Variants in DGKB observed in about 807,000 individuals in gnomAD.
DGKB encodes the protein 90 kDa diacylglycerol kinase.
A neutral mutation model predicts 114.3 loss-of-function variants in DGKB; 67 were observed. The observed-to-expected ratio is 0.59, with a 90% CI of 0.48 to 0.72. DGKB has a LOEUF of 0.72. Among genes scored for constraint, DGKB ranks in the 30% least tolerant of loss-of-function variants. The pLI, the probability that DGKB is intolerant of heterozygous loss-of-function variation, is 0.00. For missense variants in DGKB, 907 were observed against 975.2 expected (o/e 0.93, Z 0.93); for synonymous variants, 398 against 323.1 (o/e 1.23, Z -2.49).
chr7:14,353,461 A>G (rs143962955), intron 21 of DGKB, among the ~76,000 whole-genome samples: 92 of 152,310 alleles, frequency 6.0e-4, no homozygotes, highest in African/African-American at 2.1e-3. Flanking sequence ...AGGAAAAATA[A>G]CTGGAGATGA....
chr7:14,814,851 A>G (rs7795730), intron 2 of DGKB, among the ~76,000 whole-genome samples: 120,048 of 152,136 alleles, frequency 0.79, 48,229 homozygotes, highest in African/African-American at 0.95. Flanking sequence ...GATCAACAGA[A>G]TTATGCTCTT....
intron 1 of DGKB, among the ~76,000 whole-genome samples, chr7:14,921,589 C>A (rs10276618): frequency 0.19 from 28,319 of 152,074 alleles, 4,320 homozygotes; most frequent in East Asian, 0.81. Flanking sequence ...GACTAGGGCA[C>A]AGGCAGTGCT....
chr7:14,705,072 A>G (rs1198773887), intron 6 of DGKB, among the ~76,000 whole-genome samples: 5 of 149,198 alleles, frequency 3.4e-5, no homozygotes, highest in African/African-American at 1.2e-4. Flanking sequence ...AAACTTTGAA[A>G]AAAATTTAGA....
intron 21 of DGKB, among the ~76,000 whole-genome samples, chr7:14,441,225 G>C (rs1453737441): frequency 6.6e-6 from 1 of 151,950 alleles, no homozygotes; most frequent in South Asian, 2.1e-4. Context: ...GGCTAGGCTG[G>C]TCTTGAACTG....
chr7:14,228,538 G>A (rs534957426), intron 23 of DGKB, among the ~76,000 whole-genome samples: 6 of 151,780 alleles, frequency 4.0e-5, no homozygotes, highest in Admixed American at 1.3e-4. Context: ...ACACACACTC[G>A]CACCCGCACA....
intron 5 of DGKB, among the ~76,000 whole-genome samples, chr7:14,731,926 A>T (rs1307587336): frequency 6.6e-6 from 1 of 152,164 alleles, no homozygotes; most frequent in Non-Finnish European, 1.5e-5. Context: ...ATATGGAAAC[A>T]GTAGTAGTGA....
At chr7:14,633,487 C>A (rs1810138036) in intron 13 of DGKB, among the ~76,000 whole-genome samples, 1 of 151,744 alleles carries the variant, frequency 6.6e-6, no homozygotes, top group Admixed American at 6.6e-5. Flanking sequence ...ATGTACATGC[C>A]CATCAGTAGT....
intron 20 of DGKB, among the ~76,000 whole-genome samples, chr7:14,573,755 A>G (rs907376907): frequency 1.4e-5 from 2 of 145,694 alleles, no homozygotes; most frequent in Admixed American, 7.2e-5. Context: ...ATCACTTGAG[A>G]ATAGTAGCAG....
chr7:14,423,620 T>A (rs1489202176), intron 21 of DGKB, among the ~76,000 whole-genome samples: 2 of 152,094 alleles, frequency 1.3e-5, no homozygotes, highest in African/African-American at 4.8e-5. Context: ...TTGCAACTTT[T>A]AACTCATGCA....
At chr7:14,332,613 A>T (rs1179205277) in intron 23 of DGKB, among the ~76,000 whole-genome samples, 2 of 152,216 alleles carry the variant, frequency 1.3e-5, no homozygotes, top group African/African-American at 4.8e-5. Context: ...GAAAATTTTG[A>T]TTAACATTAT....
chr7:14,405,327 C>T (rs949605747), intron 21 of DGKB, among the ~76,000 whole-genome samples: 6 of 151,936 alleles, frequency 3.9e-5, no homozygotes, highest in African/African-American at 1.4e-4. Flanking sequence ...ACAGAATCTA[C>T]CATGTTATTA....
In DGKB at chr7:14,451,545, G is replaced by GTCTCTCTCTCTCTCTCTC. The variant is rs34641587; in HGVS notation, c.1835+26598_1835+26615dup. ...TTCCTTATAATAAATCTCTCTATCT[G>GTCTCTCTCTCTCTCTCTC]TCTCTCTCTCTCTCTCTCTCTCTCT... is the stretch of plus-strand genomic sequence containing the variant. On this transcript the variant is annotated intron_variant, in intron 21 of 25. Coordinates refer to ENST00000402815, the MANE Select transcript of DGKB (RefSeq NM_001350709.2). 6.4e-5 allele frequency among the ~76,000 whole-genome samples: 9 copies of GTCTCTCTCTCTCTCTCTC among 141,164 alleles called. No individual in the cohort carries two copies. In the South Asian group the frequency reaches 1.1e-3, roughly 18 times the overall value. The allele number at this position is 141,164 out of a possible 152,430, so 92.6% of individuals were successfully genotyped here. A position where few individuals can be genotyped will look rare whatever the true frequency, so the allele number is the denominator to read the frequency against.
At chr7:14,317,190 C>G (rs2128521628) in intron 23 of DGKB, among the ~76,000 whole-genome samples, 1 of 74,326 alleles carries the variant, frequency 1.3e-5, no homozygotes, top group East Asian at 3.3e-4. Context: ...ACTGAATGGG[C>G]AAAAACTGGA....
In DGKB at chr7:14,850,171, AC is replaced by A. The variant is rs545684145; in HGVS notation, c.-187-8722del. Among the ~76,000 whole-genome samples the A allele has an allele frequency of 1.1e-4, 17 of 152,352 alleles. No homozygotes were observed. In the South Asian group the frequency reaches 3.5e-3, roughly 32 times the overall value. On this transcript the variant is annotated intron_variant, in intron 1 of 25. Transcript: ENST00000402815. Reference sequence around the variant, plus strand: ...ATTGGCAACATGGTGGCCACTGGTGACTTTAGCAATAGCAATTTCTTTGAAG... The same window carrying A: ...ATTGGCAACATGGTGGCCACTGGTGATTTAGCAATAGCAATTTCTTTGAAG...
chr7:14,321,526 A>G (rs1479119207), intron 23 of DGKB, among the ~76,000 whole-genome samples: 1 of 151,870 alleles, frequency 6.6e-6, no homozygotes, highest in Non-Finnish European at 1.5e-5. Context: ...AGCCTCCAAT[A>G]TCAAGAACAA....
intron 20 of DGKB, among the ~76,000 whole-genome samples, chr7:14,484,391 G>A (rs1402132347): frequency 6.6e-6 from 1 of 152,148 alleles, no homozygotes; most frequent in African/African-American, 2.4e-5. Context: ...CTCGTGGGAG[G>A]AAATTAGATC....
intron 2 of DGKB, among the ~76,000 whole-genome samples, chr7:14,811,815 ACC>A (rs1491098464): frequency 6.6e-6 from 1 of 151,850 alleles, no homozygotes; most frequent in Non-Finnish European, 1.5e-5. Flanking sequence ...CACACACACA[ACC>A]ATTTTTAAGG....
chr7:14,923,919 C>T (rs1200968643), intron 1 of DGKB, among the ~76,000 whole-genome samples: 1 of 140,096 alleles, frequency 7.1e-6, no homozygotes, highest in African/African-American at 2.8e-5. Flanking sequence ...CTCTTGAACC[C>T]GGGAGGCGGA....
At chr7:14,420,645 G>A (rs897006302) in intron 21 of DGKB, among the ~76,000 whole-genome samples, 2 of 152,138 alleles carry the variant, frequency 1.3e-5, no homozygotes, top group African/African-American at 4.8e-5. Flanking sequence ...AGAAGCTTCA[G>A]TTTCTTTGGA....
Sources: allele counts gnomAD v4.1 joint callset (sites outside exome capture counted in the v4.1 genomes callset), GRCh38; gene constraint gnomAD v4.1.1; transcripts MANE v1.5; gene names NCBI Gene and HGNC (gene_info 2026-07-23, HGNC 2026-07-21).